The following TBC1D32 variants were observed in gnomAD, a reference collection of about 807,000 sequenced individuals.
TBC1D32 encodes TBC1 domain family member 32.
TBC1D32 carries 151 observed loss-of-function variants against 170.3 expected under a neutral mutation model. That is an observed-to-expected ratio of 0.89 (90% CI 0.78 to 1.01). The LOEUF is 1.01. Among genes scored for constraint, TBC1D32 ranks in the 50% least tolerant of loss-of-function variants. The pLI is 0.00. For synonymous variants in TBC1D32, 498 were observed against 488.0 expected (o/e 1.02, Z -0.27); for missense variants, 1,464 against 1,457.1 (o/e 1.00, Z -0.08).
intron 22 of TBC1D32, among the ~76,000 whole-genome samples, chr6:121,168,463 C>A (rs1388541117): frequency 1.2e-5 from 1 of 85,382 alleles, no homozygotes; most frequent in Non-Finnish European, 2.4e-5. Context: ...ATCACAAGAA[C>A]AAAAAACCAA....
At chr6:121,316,033 C>T (rs1025665980) in intron 3 of TBC1D32, among the ~76,000 whole-genome samples, 1 of 152,060 alleles carries the variant, frequency 6.6e-6, no homozygotes, top group Non-Finnish European at 1.5e-5. Flanking sequence ...CAAAGAAATC[C>T]AGGGAAACTT....
intron 22 of TBC1D32, among the ~76,000 whole-genome samples, chr6:121,161,605 T>C (rs1785670543): frequency 6.6e-6 from 1 of 152,210 alleles, no homozygotes; most frequent in African/African-American, 2.4e-5. Flanking sequence ...TTTGTGTTGA[T>C]TCCGTGTCTT....
intron 20 of TBC1D32, among the ~76,000 whole-genome samples, chr6:121,234,746 T>C (rs2128346639): frequency 6.6e-6 from 1 of 152,284 alleles, no homozygotes; most frequent in African/African-American, 2.4e-5. Flanking sequence ...TTTGGATCTA[T>C]TGCTGATGAG....
Position 121,317,545 on chromosome 6 carries a change from G to A in TBC1D32, c.445C>T (p.His149Tyr). ...GAGCAATTGTCTGTGCGGTAACTAT[G>A]GCTTTTCTCCTTTTGGATTTTTTTC... ...RQKKIQKEKS[H>Y]SYRTDNCSDS... The change falls in exon 3 of 32, where the codon CAT becomes TAT. Residue 149 changes from histidine to tyrosine, a missense_variant. Coordinates refer to ENST00000398212, the MANE Select transcript of TBC1D32 (RefSeq NM_152730.6). 1 of 1,612,416 alleles carries A rather than the reference G, an allele frequency of 6.2e-7. No individual in the cohort carries two copies. Among genetic ancestry groups the A allele is most frequent in the Non-Finnish European group, 8.5e-7 (1 of 1,179,170 alleles).
At chr6:121,250,421 G>C (rs896450642) in intron 17 of TBC1D32, among the ~76,000 whole-genome samples, 2 of 152,128 alleles carry the variant, frequency 1.3e-5, no homozygotes, top group Non-Finnish European at 2.9e-5. Context: ...GGGAAGCAAG[G>C]ATGGTTCAAC....
intron 10 of TBC1D32, 65 bp downstream of exon 10, chr6:121,299,381 G>C: frequency 7.0e-7 from 1 of 1,420,270 alleles, no homozygotes; most frequent in Admixed American, 2.4e-5. Flanking sequence ...GCATAGTCAA[G>C]TTATTACATC....
chr6:121,208,545 C>T (rs982704383), intron 21 of TBC1D32, among the ~76,000 whole-genome samples: 11 of 151,940 alleles, frequency 7.2e-5, no homozygotes, highest in Middle Eastern at 3.4e-3. Context: ...TAATTCAAGA[C>T]GAGATCTGGG....
At chr6:121,214,282 G>C (rs992086595) in intron 21 of TBC1D32, among the ~76,000 whole-genome samples, 2 of 152,204 alleles carry the variant, frequency 1.3e-5, no homozygotes, top group Non-Finnish European at 2.9e-5. Context: ...AAACCTGTGT[G>C]GCCTGTGGCA....
At chr6:121,092,991 G>A (rs543187269) in intron 30 of TBC1D32, among the ~76,000 whole-genome samples, 1 of 152,204 alleles carries the variant, frequency 6.6e-6, no homozygotes, top group South Asian at 2.1e-4. Context: ...GTTCTCAGGT[G>A]TTAAGAGTTT....
chr6:121,116,841 A>G (rs1009670619), intron 26 of TBC1D32, among the ~76,000 whole-genome samples: 1 of 152,224 alleles, frequency 6.6e-6, no homozygotes, highest in African/African-American at 2.4e-5. Flanking sequence ...TCACTTTCCT[A>G]GAGTTGTACA....
intron 3 of TBC1D32, among the ~76,000 whole-genome samples, chr6:121,311,500 C>A (rs573022641): frequency 1.2e-4 from 19 of 152,166 alleles, no homozygotes; most frequent in African/African-American, 4.1e-4. Context: ...GAGTCCAAGG[C>A]GGGCGGATCA....
At chr6:121,258,162 T>C (rs1294285690) in intron 15 of TBC1D32, among the ~76,000 whole-genome samples, 1 of 152,186 alleles carries the variant, frequency 6.6e-6, no homozygotes, top group African/African-American at 2.4e-5. Flanking sequence ...ATGACATTAC[T>C]ATAATTACTT....
At position 121,215,960 on chromosome 6, in the gene TBC1D32, C is replaced by A. The variant is rs543973752; in HGVS notation, c.2481+7276G>T. Among the ~76,000 whole-genome samples the A allele has an allele frequency of 6.6e-5, 10 of 152,324 alleles. No individual in the cohort carries two copies. In the East Asian group the frequency reaches 1.9e-3, roughly 29 times the overall value. ...CATTGTAGCAATTGTCCCCAAACAG[C>A]GATAAATAGAACTACCATTCAACCC... On this transcript the variant is annotated intron_variant, in intron 21 of 31. Coordinates refer to ENST00000398212, the MANE Select transcript of TBC1D32 (RefSeq NM_152730.6).
chr6:121,212,442 C>T (rs1011592450), intron 21 of TBC1D32, among the ~76,000 whole-genome samples: 8 of 144,220 alleles, frequency 5.5e-5, no homozygotes, highest in African/African-American at 2.0e-4. Context: ...AACTTCAGGT[C>T]AATATCTCTT....
At chr6:121,205,252 C>T (rs1792096481) in intron 21 of TBC1D32, 89 bp from the exon 22 acceptor site, 1 of 613,634 alleles carries the variant, frequency 1.6e-6, no homozygotes, top group Non-Finnish European at 2.7e-6. Context: ...ATTTGTGGCT[C>T]TCAAATTTGC....
chr6:121,286,380 C>T (rs149710767), intron 12 of TBC1D32, among the ~76,000 whole-genome samples: 1,712 of 151,940 alleles, frequency 0.011, 7 homozygotes, highest in Middle Eastern at 0.031. Context: ...CTGGAAGAAA[C>T]GGTATCAGTG....
At position 121,271,797 on chromosome 6, in the gene TBC1D32, C is replaced by T. The variant is rs573221589; in HGVS notation, c.1733+7324G>A. ...TCATATGGAATCAAAAAAGAGCCTG[C>T]ATTGCCAAGACAATCCTAAGACAAA... On this transcript the variant is annotated intron_variant, in intron 15 of 31. Transcript: ENST00000398212. Among the ~76,000 whole-genome samples, 23 of 152,228 alleles carry T rather than the reference C, an allele frequency of 1.5e-4. No homozygotes were observed. In the East Asian group the frequency reaches 1.7e-3, roughly 11 times the overall value.
intron 30 of TBC1D32, among the ~76,000 whole-genome samples, chr6:121,105,527 A>G (rs1208476278): frequency 6.6e-6 from 1 of 151,980 alleles, no homozygotes; most frequent in East Asian, 1.9e-4. Flanking sequence ...CTATACACAG[A>G]AAGAAGGATC....
intron 14 of TBC1D32, among the ~76,000 whole-genome samples, chr6:121,281,124 T>C (rs1478452727): frequency 6.6e-6 from 1 of 151,858 alleles, no homozygotes. Flanking sequence ...ATAAGTGTTC[T>C]CTCTAAAGTA....
Sources: gnomAD v4.1 joint callset for allele counts (sites outside exome capture counted in the v4.1 genomes callset) on GRCh38, gnomAD v4.1.1 for gene constraint, MANE v1.5 for transcripts, NCBI Gene and HGNC (gene_info 2026-07-23, HGNC 2026-07-21) for gene names.